The following SRRM4 variants were observed in gnomAD, a reference collection of about 807,000 sequenced individuals.
The protein encoded by SRRM4 is serine/arginine repetitive matrix 4, also known as serine/arginine repetitive matrix protein 4.
A neutral mutation model predicts 68.9 loss-of-function variants in SRRM4; 33 were observed. The ratio of observed to expected loss-of-function variants is 0.48; its 90% confidence interval spans 0.36 to 0.64. SRRM4 has a LOEUF of 0.64. Among genes scored for constraint, SRRM4 ranks in the 30% least tolerant of loss-of-function variants. SRRM4 has a pLI of 0.00. For missense variants in SRRM4, 817 were observed against 827.1 expected (o/e 0.99, Z 0.15); for synonymous variants, 318 against 318.8 (o/e 1.00, Z 0.03).
At chr12:118,989,991 TGTG>T (rs1379946572) in intron 1 of SRRM4, 7 of 152,194 alleles carry the variant, frequency 4.6e-5, no homozygotes, top group Admixed American at 1.3e-4. Flanking sequence ...CACGCTCACT[TGTG>T]GTGGGAATGT....
Position 119,122,054 on chromosome 12 carries a change from A to C in SRRM4, c.465-16A>C. The C allele has an allele frequency of 1.3e-6, 2 of 1,579,834 alleles. No homozygotes were observed. Among genetic ancestry groups the C allele is most frequent in the Non-Finnish European group, 1.7e-6 (2 of 1,149,114 alleles). ...GAATTTTGCATCTTTCAATTAATTG[A>C]CCATTTCTTGTTTAGCTCCTCTAGC... On this transcript the variant is annotated splice_polypyrimidine_tract_variant and intron_variant, in intron 5 of 12. Transcript: ENST00000267260.
chr12:119,047,290 A>G (rs1049752414), intron 1 of SRRM4, among the ~76,000 whole-genome samples: 1 of 152,180 alleles, frequency 6.6e-6, no homozygotes, highest in Non-Finnish European at 1.5e-5. Context: ...TCCAAGCTCA[A>G]TGTTCTAAAA....
chr12:119,131,726 A>T (rs1273001391), intron 8 of SRRM4, among the ~76,000 whole-genome samples: 2 of 152,184 alleles, frequency 1.3e-5, no homozygotes, highest in African/African-American at 4.8e-5. Flanking sequence ...TCCGTATGGA[A>T]TTGTTGGGAC....
intron 1 of SRRM4, among the ~76,000 whole-genome samples, chr12:119,060,638 C>T (rs976756072): frequency 6.6e-6 from 1 of 151,840 alleles, no homozygotes; most frequent in African/African-American, 2.4e-5. Flanking sequence ...CCAAGTATGG[C>T]CCAAAAGAAC....
In SRRM4 at chr12:119,125,611, C is replaced by T. The variant is rs905757626; in HGVS notation, c.614+132C>T. 4 of 726,088 alleles carry T rather than the reference C, an allele frequency of 5.5e-6. No individual in the cohort carries two copies. In the African/African-American group the frequency reaches 7.1e-5, roughly 13 times the overall value. The allele number at this position is 726,088 out of a possible 1,614,324, so 45.0% of individuals were successfully genotyped here. A position where few individuals can be genotyped will look rare whatever the true frequency, so the allele number is the denominator to read the frequency against. Reference sequence around the variant, plus strand: ...CCTTCCTCAGACTCAGCAGCTGGCACCACTTCCCTGTAGAGAAAGGGCTGG... The same window carrying T: ...CCTTCCTCAGACTCAGCAGCTGGCATCACTTCCCTGTAGAGAAAGGGCTGG... On this transcript the variant is annotated intron_variant, in intron 7 of 12. Coordinates refer to ENST00000267260, the MANE Select transcript of SRRM4 (RefSeq NM_194286.4).
rs757135676 is a variant in SRRM4, at chr12:119,156,453, G to C, written c.1533-42G>C. On this transcript the variant is annotated intron_variant, in intron 12 of 12. Transcript: ENST00000267260. ...ACTGGGGCTCGCTGCGGGGAGGCAC[G>C]GAGGGGCCGGCCCTCATCCCTCCTC... The C allele has an allele frequency of 7.2e-6, 11 of 1,532,592 alleles. No homozygotes were observed. In the South Asian group the frequency reaches 1.4e-4, roughly 20 times the overall value. The allele number at this position is 1,532,592 out of a possible 1,614,324, so 94.9% of individuals were successfully genotyped here.
At chr12:119,148,469 A>C (rs1213448718) in intron 9 of SRRM4, among the ~76,000 whole-genome samples, 2 of 152,252 alleles carry the variant, frequency 1.3e-5, no homozygotes, top group Non-Finnish European at 1.5e-5. Context: ...GAAAAATTGA[A>C]ATAGCAATAA....
At chr12:119,093,904 G>A (rs918989796) in intron 1 of SRRM4, among the ~76,000 whole-genome samples, 1 of 152,172 alleles carries the variant, frequency 6.6e-6, no homozygotes, top group Admixed American at 6.5e-5. Flanking sequence ...CCTGTGGAGG[G>A]AGAAATGACT....
chr12:119,102,438 T>G, intron 2 of SRRM4, 56 bp downstream of exon 2: 1 of 1,428,600 alleles, frequency 7.0e-7, no homozygotes, highest in Non-Finnish European at 9.5e-7. Flanking sequence ...TCTGCCTCTC[T>G]GGCCATGGCT....
chr12:119,160,665 G>T lies in SRRM4; in HGVS notation c.*3867G>T, dbSNP rs1020233316. The stretch of plus-strand genomic sequence containing the variant: ...GCTCCCTTTCCCTAGGGCAAAGTTC[G>T]ACCTCTGTTAAGTGGAGGGATTTGT... On this transcript the variant is annotated 3_prime_UTR_variant, in exon 13 of 13. Coordinates refer to ENST00000267260, the MANE Select transcript of SRRM4 (RefSeq NM_194286.4). 1 of 152,294 alleles carries T rather than the reference G, an allele frequency of 6.6e-6. No individual in the cohort carries two copies. The highest frequency in any genetic ancestry group is 1.5e-5 in the Non-Finnish European group (1 of 68,036). 9.4% of individuals were successfully genotyped at this position (152,294 alleles called of 1,614,324 possible). A position where few individuals can be genotyped will look rare whatever the true frequency, so the allele number is the denominator to read the frequency against.
intron 1 of SRRM4, among the ~76,000 whole-genome samples, chr12:119,005,131 G>A (rs142331994): frequency 6.6e-6 from 1 of 152,358 alleles, no homozygotes; most frequent in East Asian, 1.9e-4. Flanking sequence ...GGGGAAAGGA[G>A]GAGAAGGGAC....
intron 1 of SRRM4, among the ~76,000 whole-genome samples, chr12:119,090,376 G>A (rs1954007647): frequency 6.6e-6 from 1 of 152,120 alleles, no homozygotes; most frequent in South Asian, 2.1e-4. Context: ...GATAGGACAG[G>A]GGAAGAAAGC....
chr12:119,057,419 C>G (rs957577255), intron 1 of SRRM4, among the ~76,000 whole-genome samples: 2 of 152,166 alleles, frequency 1.3e-5, no homozygotes, highest in African/African-American at 4.8e-5. Flanking sequence ...TCATTCAGCT[C>G]CCACTTAGAA....
intron 2 of SRRM4, chr12:119,114,075 G>T (rs1037572938): frequency 2.2e-6 from 1 of 461,760 alleles, no homozygotes; most frequent in African/African-American, 1.9e-5. Context: ...AACGTACAAC[G>T]TCTGTCTCAT....
chr12:119,027,818 G>A (rs1953558922), intron 1 of SRRM4, among the ~76,000 whole-genome samples: 1 of 152,132 alleles, frequency 6.6e-6, no homozygotes, highest in Non-Finnish European at 1.5e-5. Context: ...AGACCACAAA[G>A]CTGGTATAAA....
intron 9 of SRRM4, among the ~76,000 whole-genome samples, chr12:119,150,760 T>G (rs528325088): frequency 2.6e-5 from 4 of 152,296 alleles, no homozygotes; most frequent in African/African-American, 7.2e-5. Flanking sequence ...TCTAAAATAC[T>G]CCACTGTGGC....
chr12:119,107,171 T>A (rs1954112606), intron 2 of SRRM4, among the ~76,000 whole-genome samples: 1 of 152,226 alleles, frequency 6.6e-6, no homozygotes, highest in African/African-American at 2.4e-5. Context: ...AACTTGATCA[T>A]GGTGGATAAG....
intron 1 of SRRM4, among the ~76,000 whole-genome samples, chr12:119,047,974 C>A (rs1282292639): frequency 6.6e-6 from 1 of 152,206 alleles, no homozygotes; most frequent in Non-Finnish European, 1.5e-5. Flanking sequence ...TCGATGCTAG[C>A]AGTTCTTATA....
chr12:119,102,141 A>G, intron 1 of SRRM4, 95 bp from the exon 2 acceptor site: 1 of 1,264,002 alleles, frequency 7.9e-7, no homozygotes. Context: ...CTGTAAGGGA[A>G]GCTGGGAAAT....
Sources: gnomAD v4.1 joint callset for allele counts (sites outside exome capture counted in the v4.1 genomes callset) on GRCh38, gnomAD v4.1.1 for gene constraint, MANE v1.5 for transcripts, NCBI Gene and HGNC (gene_info 2026-07-23, HGNC 2026-07-21) for gene names.